Variants in NFIB observed in about 807,000 individuals in gnomAD.
NFIB encodes nuclear factor 1 B-type.
NFIB carries 11 observed loss-of-function variants against 61.5 expected under a neutral mutation model. The observed-to-expected ratio is 0.18, with a 90% CI of 0.11 to 0.30. NFIB has a LOEUF of 0.30. Ranked by LOEUF, NFIB falls within the 10% of genes least tolerant of loss-of-function variation. The pLI, the probability that NFIB is intolerant of heterozygous loss-of-function variation, is 1.00. For missense variants in NFIB, 471 were observed against 608.9 expected (o/e 0.77, Z 2.38); for synonymous variants, 260 against 216.5 (o/e 1.20, Z -1.76).
Position 14,324,514 on chromosome 9 carries a change from G to A in NFIB, c.109-16994C>T, listed in dbSNP as rs144422598. Among the ~76,000 whole-genome samples, 1,122 of 152,202 alleles carry A rather than the reference G, an allele frequency of 7.4e-3. 17 individuals are homozygous for A. The highest frequency in any genetic ancestry group is 0.025 in the African/African-American group (1,059 of 41,538). On this transcript the variant is annotated intron_variant, in intron 1 of 8. Coordinates refer to the NFIB transcript ENST00000380934. ...AGCAGAATTACCAATCCCTCCCAAT[G>A]TCATTACATGCAAAGGAGAAAGGAC...
the NFIB span, among the ~76,000 whole-genome samples, chr9:14,492,207 T>C: frequency 6.6e-6 from 1 of 151,524 alleles, no homozygotes. Flanking sequence ...ACTAAAAATA[T>C]GAAAAATTAG....
At chr9:14,428,933 T>G in the NFIB span, among the ~76,000 whole-genome samples, 1 of 152,142 alleles carries the variant, frequency 6.6e-6, no homozygotes. Context: ...CCCTGGTCTT[T>G]GATGAACGAC....
intron 1 of NFIB, among the ~76,000 whole-genome samples, chr9:14,398,010 C>T (rs2061704822): frequency 6.6e-6 from 1 of 152,028 alleles, no homozygotes; most frequent in Admixed American, 6.6e-5. Flanking sequence ...CTCCAGGCTC[C>T]ATGTAATGTG....
chr9:14,219,600 C>T (rs1456216037), intron 2 of NFIB, among the ~76,000 whole-genome samples: 2 of 152,082 alleles, frequency 1.3e-5, no homozygotes, highest in African/African-American at 4.8e-5. Context: ...CTGCTTTACA[C>T]GTATTTTATG....
chr9:14,268,030 G>A (rs1199524828), intron 2 of NFIB, among the ~76,000 whole-genome samples: 1 of 151,658 alleles, frequency 6.6e-6, no homozygotes, highest in Non-Finnish European at 1.5e-5. Flanking sequence ...TGATACTCAG[G>A]AGGCTGAGAC....
chr9:14,428,235 C>T, the NFIB span, among the ~76,000 whole-genome samples: 1,717 of 152,134 alleles, frequency 0.011, 12 homozygotes, highest in East Asian at 0.04. Context: ...TATGAGCCAC[C>T]GTGCCTGGCC....
At chr9:14,286,596 T>C (rs899943160) in intron 2 of NFIB, among the ~76,000 whole-genome samples, 1 of 152,240 alleles carries the variant, frequency 6.6e-6, no homozygotes, top group Admixed American at 6.5e-5. Flanking sequence ...CATTACTCTT[T>C]TTATAACTTA....
At chr9:14,225,952 G>T (rs962384049) in intron 2 of NFIB, among the ~76,000 whole-genome samples, 11 of 152,072 alleles carry the variant, frequency 7.2e-5, no homozygotes, top group African/African-American at 2.2e-4. Context: ...ATTGAAATAT[G>T]ATTTAGAACA....
the NFIB span, among the ~76,000 whole-genome samples, chr9:14,454,408 T>C: frequency 6.6e-6 from 1 of 152,242 alleles, no homozygotes; most frequent in Admixed American, 6.5e-5. Flanking sequence ...TTGAATGACA[T>C]CAAGTTATTC....
the NFIB span, among the ~76,000 whole-genome samples, chr9:14,426,829 A>T: frequency 1.3e-5 from 2 of 152,200 alleles, no homozygotes; most frequent in Non-Finnish European, 2.9e-5. Context: ...AACCTCTGAC[A>T]GCTCCTGAAG....
At chr9:14,264,201 G>T in intron 2 of NFIB, among the ~76,000 whole-genome samples, 1 of 150,864 alleles carries the variant, frequency 6.6e-6, no homozygotes, top group Non-Finnish European at 1.5e-5. Context: ...AAAGCAAATA[G>T]ATATCCCTAC....
chr9:14,390,254 C>A (rs57205988), intron 1 of NFIB, among the ~76,000 whole-genome samples: 31,128 of 151,990 alleles, frequency 0.2, 3,843 homozygotes, highest in East Asian at 0.66. Flanking sequence ...AAGGCATGAC[C>A]TTGGGCAGAT....
chr9:14,115,410 C>T (rs371435885), intron 9 of NFIB, among the ~76,000 whole-genome samples: 3 of 152,138 alleles, frequency 2.0e-5, no homozygotes, highest in Non-Finnish European at 4.4e-5. Flanking sequence ...AGCTCCAGTA[C>T]TAAGAAGCTG....
chr9:14,228,335 C>A (rs1208625436), intron 2 of NFIB, among the ~76,000 whole-genome samples: 8 of 151,798 alleles, frequency 5.3e-5, no homozygotes, highest in African/African-American at 1.9e-4. Context: ...GCTGGGATTA[C>A]AGGAGCACAC....
At chr9:14,461,069 G>C in the NFIB span, among the ~76,000 whole-genome samples, 1 of 151,920 alleles carries the variant, frequency 6.6e-6, no homozygotes, top group Non-Finnish European at 1.5e-5. Context: ...AAGTCTCCCT[G>C]ACCCCCAAGG....
chr9:14,150,550 C>T (rs2042753489), intron 4 of NFIB, among the ~76,000 whole-genome samples: 1 of 152,082 alleles, frequency 6.6e-6, no homozygotes, highest in Non-Finnish European at 1.5e-5. Context: ...TATTAGTTGA[C>T]ATTACATCTG....
chr9:14,411,518 C>T, the NFIB span, among the ~76,000 whole-genome samples: 1 of 152,114 alleles, frequency 6.6e-6, no homozygotes, highest in Non-Finnish European at 1.5e-5. Context: ...GGCACCTGGC[C>T]ATCCTAAGCA....
At chr9:14,303,923 A>C (rs1483018911) in intron 2 of NFIB, among the ~76,000 whole-genome samples, 1 of 152,228 alleles carries the variant, frequency 6.6e-6, no homozygotes, top group Non-Finnish European at 1.5e-5. Context: ...GTGCAGGGAG[A>C]CATTTAATTT....
intron 3 of NFIB, among the ~76,000 whole-genome samples, chr9:14,158,122 AAAAAC>A (rs1427253543): frequency 2.6e-5 from 4 of 151,692 alleles, no homozygotes; most frequent in Non-Finnish European, 4.4e-5. Flanking sequence ...AAAAAAAAAA[AAAAAC>A]AAAACAAAAC....
Sources: gnomAD v4.1 joint callset for allele counts (sites outside exome capture counted in the v4.1 genomes callset) on GRCh38, gnomAD v4.1.1 for gene constraint, MANE v1.5 for transcripts, NCBI Gene and HGNC (gene_info 2026-07-23, HGNC 2026-07-21) for gene names.